TBC1D14: variants seen among roughly 807,000 people sequenced by gnomAD.
The protein encoded by TBC1D14 is TBC1 domain family member 14, also known as TBC1 domain family, member 14.
A neutral mutation model predicts 79.0 loss-of-function variants in TBC1D14; 26 were observed. The ratio of observed to expected loss-of-function variants is 0.33; its 90% CI spans 0.24 to 0.46. The LOEUF (loss-of-function observed/expected upper bound fraction) is 0.46, where lower values mean the gene tolerates loss of function less well. Ranked by LOEUF, TBC1D14 falls within the 20% of genes least tolerant of loss-of-function variation. The probability of loss-of-function intolerance (pLI) is 1.00; values close to 1 mark genes in which losing one functional copy is unlikely to be tolerated. For synonymous variants in TBC1D14, 394 were observed against 349.9 expected (o/e 1.13, Z -1.40); for missense variants, 769 against 887.6 (o/e 0.87, Z 1.70).
intron 2 of TBC1D14, among the ~76,000 whole-genome samples, chr4:6,924,744 G>A (rs775371544): frequency 1.3e-5 from 2 of 152,266 alleles, no homozygotes; most frequent in Non-Finnish European, 2.9e-5. Flanking sequence ...GCCCTGGGGG[G>A]GCCGCGCCTT....
chr4:6,972,857 G>GT (rs1181053388), intron 3 of TBC1D14, among the ~76,000 whole-genome samples: 1 of 152,208 alleles, frequency 6.6e-6, no homozygotes, highest in Non-Finnish European at 1.5e-5. Flanking sequence ...CATTTAAAAA[G>GT]TAAAAGTGAT....
chr4:6,929,109 A>G (rs1724513151), intron 2 of TBC1D14, among the ~76,000 whole-genome samples: 1 of 152,004 alleles, frequency 6.6e-6, no homozygotes, highest in South Asian at 2.1e-4. Flanking sequence ...GGTGTGTATG[A>G]GCTTGTATGT....
chr4:6,990,605 A>G (rs1718390491), intron 3 of TBC1D14, among the ~76,000 whole-genome samples: 1 of 152,218 alleles, frequency 6.6e-6, no homozygotes, highest in African/African-American at 2.4e-5. Flanking sequence ...ATTTGGTCCC[A>G]TGCAGAGATG....
intron 11 of TBC1D14, among the ~76,000 whole-genome samples, chr4:7,011,307 AAGTGGGAGGCGGTGAC>A (rs1316395974): frequency 7.0e-6 from 1 of 143,262 alleles, no homozygotes; most frequent in East Asian, 2.4e-4. Flanking sequence ...GACACTGCGT[AAGTGGGAGGCGGTGAC>A]AGTGGGGGGT....
intron 2 of TBC1D14, among the ~76,000 whole-genome samples, chr4:6,927,001 A>G (rs1338865413): frequency 6.6e-6 from 1 of 152,150 alleles, no homozygotes; most frequent in African/African-American, 2.4e-5. Context: ...AGTGTAGTCT[A>G]GGAGAACATG....
At chr4:6,975,574 T>C (rs529793557) in intron 3 of TBC1D14, among the ~76,000 whole-genome samples, 26 of 152,316 alleles carry the variant, frequency 1.7e-4, no homozygotes, top group African/African-American at 6.0e-4. Context: ...AATTATTCAA[T>C]AGACTTTAAA....
chr4:6,944,235 C>T (rs961099919), intron 2 of TBC1D14, among the ~76,000 whole-genome samples: 1 of 152,130 alleles, frequency 6.6e-6, no homozygotes, highest in Non-Finnish European at 1.5e-5. Context: ...CTGTTTCCAT[C>T]GTTTGGTGTC....
chr4:7,027,451 C>T (rs183149788), intron 13 of TBC1D14, among the ~76,000 whole-genome samples: 19 of 130,686 alleles, frequency 1.5e-4, no homozygotes, highest in South Asian at 2.7e-4. Flanking sequence ...CACATAGACA[C>T]GCACAGATCA....
chr4:6,910,683 CAGG>C (rs1482404381), intron 1 of TBC1D14: 9 of 152,194 alleles, frequency 5.9e-5, no homozygotes, highest in Admixed American at 5.9e-4. Flanking sequence ...AACAGCTGGT[CAGG>C]AGGATAGGAG....
chr4:6,978,457 T>C (rs1333857212), intron 3 of TBC1D14, among the ~76,000 whole-genome samples: 18 of 150,260 alleles, frequency 1.2e-4, no homozygotes, highest in Non-Finnish European at 4.4e-5. Context: ...CCCTGTGCTC[T>C]CTGAAACATG....
At chr4:6,956,798 A>G (rs945845020) in intron 2 of TBC1D14, among the ~76,000 whole-genome samples, 4 of 152,142 alleles carry the variant, frequency 2.6e-5, no homozygotes, top group African/African-American at 9.7e-5. Flanking sequence ...CTGTGCGGGG[A>G]AGGAGCACTG....
chr4:6,944,155 C>T, intron 2 of TBC1D14, among the ~76,000 whole-genome samples: 1 of 152,174 alleles, frequency 6.6e-6, no homozygotes, highest in East Asian at 1.9e-4. Flanking sequence ...TTTTTAACAC[C>T]TACCCCTGAT....
rs558231381 is a variant in TBC1D14 at position 7,002,470 on chromosome 4, G to A, written c.1270+1219G>A. Among the ~76,000 whole-genome samples the A allele has an allele frequency of 5.9e-5, 9 of 152,224 alleles. No homozygotes were observed. The East Asian group carries it at 1.2e-3, about 20-fold the overall frequency. On this transcript the variant is annotated intron_variant, in intron 7 of 13. Transcript: ENST00000409757. ...TTATTTAAATTAAAACCTATGGACC[G>A]TATTGTTTTGGATTGGGCTAAACCG... is the stretch of plus-strand genomic sequence containing the variant.
intron 2 of TBC1D14, among the ~76,000 whole-genome samples, chr4:6,949,228 G>T (rs1395569672): frequency 6.6e-6 from 1 of 152,004 alleles, no homozygotes; most frequent in East Asian, 1.9e-4. Context: ...ACTTGGGAGG[G>T]AGCCCTTCTA....
chr4:6,992,284 G>A (rs7655773), intron 3 of TBC1D14, among the ~76,000 whole-genome samples: 39 of 152,292 alleles, frequency 2.6e-4, no homozygotes, highest in African/African-American at 6.7e-4. Context: ...CACCTAAGCC[G>A]TGTAGGACTC....
At chr4:7,001,310 C>G in intron 7 of TBC1D14, 59 bp downstream of exon 7, 1 of 1,412,218 alleles carries the variant, frequency 7.1e-7, no homozygotes, top group Non-Finnish European at 9.9e-7. Context: ...TTCTTCTCTC[C>G]CTTTTGCCCT....
chr4:7,001,157 A>G lies in TBC1D14; in HGVS notation c.1176A>G (p.Arg392=), dbSNP rs553259934. The G allele has an allele frequency of 8.7e-6, 14 of 1,614,052 alleles. No homozygotes were observed. The African/African-American group carries it at 1.1e-4, about 12-fold the overall frequency. Residue 392 remains arginine (R), a synonymous_variant, in exon 7 of 14, where the codon AGA becomes AGG. Transcript: ENST00000409757. ...LPNWETMWCS[R]KVRDLWWQGI... is the part of the protein sequence containing the mutation. ...TGTTTTTGTCCAGGTGGTGCTCTAGAAAAGTTCGAGATTTATGGTGGCAGG... is the reference window on the plus strand; with the variant it reads ...TGTTTTTGTCCAGGTGGTGCTCTAGGAAAGTTCGAGATTTATGGTGGCAGG...
intron 2 of TBC1D14, among the ~76,000 whole-genome samples, chr4:6,935,519 C>T (rs975987876): frequency 6.6e-6 from 1 of 151,782 alleles, no homozygotes; most frequent in Non-Finnish European, 1.5e-5. Flanking sequence ...CGTGCGTGCT[C>T]TCTCCCTCTC....
chr4:6,923,349 T>C, intron 1 of TBC1D14, 24 bp from the exon 2 acceptor site: 2 of 1,561,390 alleles, frequency 1.3e-6, no homozygotes, highest in Non-Finnish European at 1.7e-6. Context: ...TCCACTTTAA[T>C]TTCCATGTTT....
Sources: allele counts gnomAD v4.1 joint callset (sites outside exome capture counted in the v4.1 genomes callset), GRCh38; gene constraint gnomAD v4.1.1; transcripts MANE v1.5; gene names NCBI Gene and HGNC (gene_info 2026-07-23, HGNC 2026-07-21).